Variants in POLR1E observed in about 807,000 individuals in gnomAD.
The protein encoded by POLR1E is RNA polymerase I subunit E, also known as DNA-directed RNA polymerase I subunit RPA49.
POLR1E carries 37 observed loss-of-function variants against 50.9 expected under a neutral mutation model. The ratio of observed to expected loss-of-function variants is 0.73; its 90% CI spans 0.56 to 0.96. The LOEUF is 0.96. Among genes scored for constraint, POLR1E ranks in the 40% least tolerant of loss-of-function variants. POLR1E has a pLI of 0.00. For missense variants in POLR1E, 426 were observed against 518.1 expected (o/e 0.82, Z 1.73); for synonymous variants, 166 against 191.6 (o/e 0.87, Z 1.10).
chr9:37,495,345 G>A, intron 7 of POLR1E, 69 bp downstream of exon 7: 1 of 1,232,614 alleles, frequency 8.1e-7, no homozygotes, highest in Non-Finnish European at 1.2e-6. Flanking sequence ...TGTGCAGTCA[G>A]GTTCTCTGAG....
chr9:37,501,232 G>A (rs545226635), intron 10 of POLR1E, among the ~76,000 whole-genome samples: 4 of 152,194 alleles, frequency 2.6e-5, no homozygotes, highest in Non-Finnish European at 4.4e-5. Flanking sequence ...GGTGTTCTGC[G>A]GAAAGGCAGC....
rs1052998267 is a variant in POLR1E at position 37,485,964 on chromosome 9, C to T, written c.-84C>T. 9.4e-5 allele frequency: 143 copies of T among 1,519,982 alleles called. 1 individual carries two copies. The Middle Eastern group carries it at 3.8e-3, about 40-fold the overall frequency. The allele number at this position is 1,519,982 out of a possible 1,614,324, so 94.2% of individuals were successfully genotyped here. On this transcript the variant is annotated 5_prime_UTR_variant, in exon 1 of 12. Coordinates refer to ENST00000377798, the MANE Select transcript of POLR1E (RefSeq NM_022490.4). ...GGGCCACGCCTTTTCCGGCCCGCAG[C>T]GCGGCCTGGGCTCCCGCGTGTTTAA...
rs530158380 is a variant in POLR1E, at chr9:37,501,275, C to T, written c.968+354C>T. 7.9e-5 allele frequency among the ~76,000 whole-genome samples: 12 copies of T among 152,380 alleles called. No individual in the cohort carries two copies. In the South Asian group the frequency reaches 2.5e-3, roughly 32 times the overall value. ...AAAAGGGCAGCCCAACTCGGTGACT[C>T]TGGGGAAAGACCCGCAGGCCCTGCC... is the stretch of plus-strand genomic sequence containing the variant. On this transcript the variant is annotated intron_variant, in intron 10 of 11. Coordinates refer to ENST00000377798, the MANE Select transcript of POLR1E (RefSeq NM_022490.4).
At chr9:37,495,413 G>T in intron 7 of POLR1E, 137 bp downstream of exon 7, 2 of 738,912 alleles carry the variant, frequency 2.7e-6, no homozygotes, top group East Asian at 2.6e-5. Context: ...CAGTTGCTCA[G>T]TGCTCTTGCC....
intron 1 of POLR1E, chr9:37,486,416 AGG>A: frequency 3.3e-6 from 5 of 1,528,450 alleles, no homozygotes; most frequent in Non-Finnish European, 4.4e-6. Context: ...TTCACTGGGC[AGG>A]GGTTCCTTCT....
chr9:37,501,746 G>A lies in POLR1E; in HGVS notation c.1002G>A (p.Ala334=), dbSNP rs376183011. 1.1e-5 allele frequency: 17 copies of A among 1,613,560 alleles called. No homozygotes were observed. In the East Asian group the frequency reaches 2.2e-4, roughly 21 times the overall value. ...ACTTAATTTCGGATTCTATGAAGGC[G>A]AAGATTACTGCATATGTGATCATAC... ...LRNLISDSMK[A]KITAYVIILA... The change falls in exon 11 of 12, where the codon GCG becomes GCA. Residue 334 remains alanine, a synonymous_variant. Transcript: ENST00000377798.
intron 4 of POLR1E, chr9:37,490,879 C>G: frequency 1.9e-6 from 1 of 532,174 alleles, no homozygotes; most frequent in Non-Finnish European, 3.6e-6. Flanking sequence ...TCCTCTTTCC[C>G]TTTGTGTTTG....
intron 9 of POLR1E, 85 bp from the exon 10 acceptor site, chr9:37,500,755 C>A: frequency 9.5e-7 from 1 of 1,051,080 alleles, no homozygotes; most frequent in Non-Finnish European, 1.5e-6. Flanking sequence ...AGTGGCCCAG[C>A]TGTTGGCCTT....
chr9:37,501,949 A>G (rs1820899209), intron 11 of POLR1E, 105 bp downstream of exon 11: 1 of 1,236,312 alleles, frequency 8.1e-7, no homozygotes, highest in Non-Finnish European at 1.1e-6. Flanking sequence ...GGATGTTTAA[A>G]TGTGGGAACA....
At chr9:37,496,741 G>C (rs938869731) in intron 8 of POLR1E, among the ~76,000 whole-genome samples, 1 of 151,576 alleles carries the variant, frequency 6.6e-6, no homozygotes, top group Non-Finnish European at 1.5e-5. Context: ...AACTCTGAGC[G>C]GGGAGTCTGA....
chr9:37,501,668 TGA>T, intron 10 of POLR1E, 43 bp from the exon 11 acceptor site: 1 of 1,593,904 alleles, frequency 6.3e-7, no homozygotes, highest in Non-Finnish European at 8.5e-7. Context: ...AGAAATTGTC[TGA>T]GAGTTTAATT....
rs181919418 is a variant in POLR1E, at chr9:37,498,314, G to C, written c.886+90G>C. The C allele has an allele frequency of 5.1e-5, 69 of 1,355,584 alleles. No individual in the cohort carries two copies. In the Admixed American group the frequency reaches 1.4e-3, roughly 28 times the overall value. 84.0% of individuals were successfully genotyped at this position (1,355,584 alleles called of 1,614,324 possible). A position where few individuals can be genotyped will look rare whatever the true frequency, so the allele number is the denominator to read the frequency against. ...ATGAGTTCTGATGAGAGAAGAAAAT[G>C]GATATGTCTGTCCAAGTCTTTACTG... On this transcript the variant is annotated intron_variant, in intron 9 of 11. Coordinates refer to ENST00000377798, the MANE Select transcript of POLR1E (RefSeq NM_022490.4).
intron 10 of POLR1E, 46 bp downstream of exon 10, chr9:37,500,967 G>T (rs769576906): frequency 1.3e-6 from 2 of 1,535,944 alleles, no homozygotes; most frequent in Non-Finnish European, 9.0e-7. Flanking sequence ...GAGAAAGTAG[G>T]TGGGGGTTGG....
At chr9:37,486,220 A>G in intron 1 of POLR1E, 97 bp downstream of exon 1, 2 of 1,435,202 alleles carry the variant, frequency 1.4e-6, no homozygotes, top group South Asian at 1.4e-5. Context: ...GCTTCTCCCC[A>G]GCGGGGCCGG....
chr9:37,496,040 G>A lies in POLR1E; in HGVS notation c.752+54G>A, dbSNP rs1341135371. 8.1e-6 allele frequency: 11 copies of A among 1,357,722 alleles called. No homozygotes were observed. In the African/African-American group the frequency reaches 1.3e-4, roughly 16 times the overall value. 84.1% of individuals were successfully genotyped at this position (1,357,722 alleles called of 1,614,324 possible). On this transcript the variant is annotated intron_variant, in intron 8 of 11. Transcript: ENST00000377798. Reference sequence around the variant, plus strand: ...TGGGGAGTGCTGTTGGGACCCAACAGTAGTCAGACACTGTGCAGGTCCTCT... The same window carrying A: ...TGGGGAGTGCTGTTGGGACCCAACAATAGTCAGACACTGTGCAGGTCCTCT...
rs369020220 is a variant in POLR1E, at chr9:37,503,211, T to C, written c.*9T>C. 2.3e-5 allele frequency: 37 copies of C among 1,591,868 alleles called. No individual in the cohort carries two copies. Among genetic ancestry groups the C allele is most frequent in the Non-Finnish European group, 3.1e-5 (36 of 1,170,342 alleles). ...GGAGGAAGATTACCTAGACGCATGC[T>C]TTCCAGACAGGGCGTTTTGGCTGCA... On this transcript the variant is annotated 3_prime_UTR_variant, in exon 12 of 12. Transcript: ENST00000377798.
intron 3 of POLR1E, among the ~76,000 whole-genome samples, chr9:37,489,071 T>C (rs10814547): frequency 0.21 from 32,594 of 151,792 alleles, 3,630 homozygotes; most frequent in East Asian, 0.26. Context: ...AAACCCATCT[T>C]TATTAAAAAT....
rs1208933531 is a variant in POLR1E, at chr9:37,501,725, A to T, written c.981A>T (p.Leu327Phe). The T allele has an allele frequency of 6.2e-7, 1 of 1,608,562 alleles. No homozygotes were observed. The change falls in exon 11 of 12, where the codon TTA becomes TTT. Residue 327 changes from leucine (L) to phenylalanine (F), a missense_variant. By Grantham distance (22) the Leu-to-Phe change is conservative (BLOSUM62 0). Coordinates refer to ENST00000377798, the MANE Select transcript of POLR1E (RefSeq NM_022490.4). ...LTYNNGRLRN[L>F]ISDSMKAKIT... is the part of the protein sequence containing the mutation. ...ACTGATTTTCTAGATTACGGAACTT[A>T]ATTTCGGATTCTATGAAGGCGAAGA...
At position 37,497,449 on chromosome 9, in the gene POLR1E, A is replaced by C. The variant is rs114273578; in HGVS notation, c.753-642A>C. Among the ~76,000 whole-genome samples the C allele has an allele frequency of 7.9e-5, 12 of 152,366 alleles. No individual in the cohort carries two copies. The South Asian group carries it at 2.5e-3, about 32-fold the overall frequency. The stretch of plus-strand genomic sequence containing the variant: ...CCCAGGCAGGCTGACTACAGAGTCT[A>C]TGCTCCTGACTATAAAAACAGAGGT... On this transcript the variant is annotated intron_variant, in intron 8 of 11. Coordinates refer to ENST00000377798, the MANE Select transcript of POLR1E (RefSeq NM_022490.4).
Sources: allele counts gnomAD v4.1 joint callset (sites outside exome capture counted in the v4.1 genomes callset), GRCh38; gene constraint gnomAD v4.1.1; transcripts MANE v1.5; gene names NCBI Gene and HGNC (gene_info 2026-07-23, HGNC 2026-07-21).